The following VPS35L variants were observed in gnomAD, a reference collection of about 807,000 sequenced individuals.
VPS35L encodes the protein VPS35 endosomal protein sorting factor like.
In VPS35L, 83 loss-of-function variants were observed where a neutral mutation model predicts 133.0. The observed-to-expected ratio is 0.62, with a 90% CI of 0.52 to 0.75. The LOEUF (loss-of-function observed/expected upper bound fraction) is 0.75, where lower values mean the gene tolerates loss of function less well. VPS35L is among the 30% of genes least tolerant of loss of function. VPS35L has a pLI of 0.00. For missense variants in VPS35L, 1,083 were observed against 1,206.8 expected, an observed-to-expected ratio of 0.90 and a Z score of 1.52; for synonymous variants, 423 against 449.9, an observed-to-expected ratio of 0.94 and a Z score of 0.76.
At chr16:19,607,002 A>T (rs1972556303) in intron 9 of VPS35L, among the ~76,000 whole-genome samples, 1 of 152,214 alleles carries the variant, frequency 6.6e-6, no homozygotes, top group Admixed American at 6.5e-5. Context: ...CAGTGGTGGG[A>T]TGGAGCTCTA....
chr16:19,686,326 T>G (rs1343227054), intron 28 of VPS35L, among the ~76,000 whole-genome samples: 2 of 152,156 alleles, frequency 1.3e-5, no homozygotes, highest in African/African-American at 2.4e-5. Context: ...CTTCCCAGAT[T>G]AAGAAAAAGA....
At chr16:19,682,416 A>G in intron 28 of VPS35L, 26 bp downstream of exon 28, 3 of 1,601,146 alleles carry the variant, frequency 1.9e-6, no homozygotes, top group Non-Finnish European at 2.6e-6. Context: ...CCACCAAACC[A>G]TGCTCCGCAT....
At chr16:19,681,397 G>A (rs1482632543) in intron 27 of VPS35L, among the ~76,000 whole-genome samples, 5 of 152,160 alleles carry the variant, frequency 3.3e-5, no homozygotes, top group Non-Finnish European at 5.9e-5. Flanking sequence ...TCCCCCTGCC[G>A]CTGCGGGTTC....
chr16:19,634,328 C>G (rs1348377585), intron 19 of VPS35L, among the ~76,000 whole-genome samples: 1 of 150,646 alleles, frequency 6.6e-6, no homozygotes, highest in African/African-American at 2.4e-5. Context: ...TCCCAGCTAC[C>G]TGGGATGCTA....
At chr16:19,594,092 C>T (rs1972127282) in intron 8 of VPS35L, among the ~76,000 whole-genome samples, 1 of 152,182 alleles carries the variant, frequency 6.6e-6, no homozygotes, top group Admixed American at 6.5e-5. Context: ...TCTTATTGGC[C>T]TGGCTTGGAT....
At chr16:19,616,839 CA>C (rs1972911484) in intron 14 of VPS35L, 31 bp downstream of exon 14, 1 of 1,613,984 alleles carries the variant, frequency 6.2e-7, no homozygotes, top group Non-Finnish European at 8.5e-7. Flanking sequence ...GTGTGACGCT[CA>C]CCTCCTGTAT....
intron 24 of VPS35L, 70 bp from the exon 25 acceptor site, chr16:19,650,312 T>C: frequency 8.1e-7 from 1 of 1,235,452 alleles, no homozygotes; most frequent in Non-Finnish European, 1.2e-6. Flanking sequence ...AATGTTGAGA[T>C]CTCTATGGAA....
intron 1 of VPS35L, among the ~76,000 whole-genome samples, chr16:19,559,594 G>A (rs1299734674): frequency 1.3e-5 from 2 of 152,140 alleles, no homozygotes; most frequent in African/African-American, 2.4e-5. Flanking sequence ...TCAGACTTAG[G>A]GATCAGAGAG....
Position 19,692,172 on chromosome 16 carries a change from G to A in VPS35L, c.2646+701G>A, listed in dbSNP as rs537554508. Among the ~76,000 whole-genome samples the A allele has an allele frequency of 1.8e-3, 275 of 152,028 alleles. 1 individual carries two copies. Among genetic ancestry groups the A allele is most frequent in the Non-Finnish European group, 3.0e-3 (201 of 67,952 alleles). ...ATTATAGGCGTGAGCCACTGCACCC[G>A]GCCTGGACCTGGTGAGTCTTGAAGA... On this transcript the variant is annotated intron_variant, in intron 29 of 30. Transcript: ENST00000417362.
intron 28 of VPS35L, among the ~76,000 whole-genome samples, chr16:19,682,700 A>G (rs1975330025): frequency 2.0e-5 from 3 of 152,230 alleles, no homozygotes; most frequent in Admixed American, 6.5e-5. Context: ...TGTCTCTACT[A>G]AAAAAACAAA....
chr16:19,672,359 C>T (rs61203542), intron 27 of VPS35L, among the ~76,000 whole-genome samples: 6,419 of 152,282 alleles, frequency 0.042, 428 homozygotes, highest in African/African-American at 0.14. Context: ...GCCTGAGCTC[C>T]AGTGGATCCA....
At chr16:19,643,314 G>A (rs1330920384) in intron 22 of VPS35L, among the ~76,000 whole-genome samples, 1 of 152,180 alleles carries the variant, frequency 6.6e-6, no homozygotes, top group Non-Finnish European at 1.5e-5. Flanking sequence ...ATTGGGTTTT[G>A]GCTTAAGTAA....
At chr16:19,656,005 A>G (rs1974284641) in intron 26 of VPS35L, among the ~76,000 whole-genome samples, 1 of 152,198 alleles carries the variant, frequency 6.6e-6, no homozygotes, top group Admixed American at 6.5e-5. Context: ...GCTTATGCCC[A>G]TAATCCCAGC....
chr16:19,566,174 A>T (rs1971182200), intron 2 of VPS35L, among the ~76,000 whole-genome samples: 1 of 152,098 alleles, frequency 6.6e-6, no homozygotes, highest in South Asian at 2.1e-4. Flanking sequence ...AGTTGCGTTC[A>T]TTCTCAGGTG....
chr16:19,588,128 A>G (rs1971929335), intron 7 of VPS35L, among the ~76,000 whole-genome samples: 1 of 149,004 alleles, frequency 6.7e-6, no homozygotes, highest in Non-Finnish European at 1.5e-5. Flanking sequence ...TTACTATGGC[A>G]TTATAGCAAG....
rs111488524 is a variant in VPS35L, at chr16:19,628,839, T to G, written c.1500+86T>G. 3,343 of 541,806 alleles carry G rather than the reference T, an allele frequency of 6.2e-3. 86 individuals carry two copies. The highest frequency in any genetic ancestry group is 0.058 in the African/African-American group (2,902 of 50,098). 33.6% of individuals were successfully genotyped at this position (541,806 alleles called of 1,614,324 possible). On this transcript the variant is annotated intron_variant, in intron 17 of 30. Transcript: ENST00000417362. ...TGAAGTCTTGCTCTGTCGCCCAGGC[T>G]AGAGTGCAATGGCGCCATCTCGGCT...
chr16:19,602,516 CCT>C (rs1446970004), intron 9 of VPS35L, among the ~76,000 whole-genome samples: 2 of 152,130 alleles, frequency 1.3e-5, no homozygotes, highest in East Asian at 1.9e-4. Context: ...TCTCTCTCCT[CCT>C]CTCTCTTCCT....
In VPS35L at chr16:19,628,579, G is replaced by T. The variant is rs1330277346; in HGVS notation, c.1384-58G>T. On this transcript the variant is annotated intron_variant, in intron 16 of 30. Transcript: ENST00000417362. ...ACCTTTTCTCTTTTCTTTTCTTTGA[G>T]CTTCAAGTTAATTTGATTTAAAATT... The T allele has an allele frequency of 1.3e-5, 12 of 927,468 alleles. No homozygotes were observed. In the Admixed American group the frequency reaches 1.3e-4, roughly 10 times the overall value. The allele number at this position is 927,468 out of a possible 1,614,324, so 57.5% of individuals were successfully genotyped here. A position where few individuals can be genotyped will look rare whatever the true frequency, so the allele number is the denominator to read the frequency against.
rs751591977 is a variant in VPS35L, at chr16:19,699,594, C to T, written c.2739C>T (p.Ser913=). 9 of 1,614,158 alleles carry T rather than the reference C, an allele frequency of 5.6e-6. No individual in the cohort carries two copies. The highest frequency in any genetic ancestry group is 2.2e-5 in the South Asian group (2 of 91,088). Reference sequence around the variant, plus strand: ...GCAACAACAAGCTCAACCAGCTCTCCGTCAACCTGTGGCACCTGGCACAGA... The same window carrying T: ...GCAACAACAAGCTCAACCAGCTCTCTGTCAACCTGTGGCACCTGGCACAGA... ...DLRNNKLNQL[S]VNLWHLAQRH... is the part of the protein sequence containing the mutation. The change falls in exon 30 of 31, where the codon TCC becomes TCT. Residue 913 remains serine, a synonymous_variant. Transcript: ENST00000417362. This position sits in a 1 kb window ranked among gnomAD's most constrained non-coding sequence, Gnocchi z 4.2.
Sources: allele counts gnomAD v4.1 joint callset (sites outside exome capture counted in the v4.1 genomes callset), GRCh38; gene constraint gnomAD v4.1.1; non-coding constraint Gnocchi (gnomAD v3.1); transcripts MANE v1.5; gene names NCBI Gene and HGNC (gene_info 2026-07-23, HGNC 2026-07-21).